Variants in NKAIN3 observed in about 807,000 individuals in gnomAD.
NKAIN3 encodes the protein sodium/potassium-transporting ATPase subunit beta-1-interacting protein 3.
A neutral mutation model predicts 30.2 loss-of-function variants in NKAIN3; 25 were observed. The observed-to-expected ratio is 0.83, with a 90% confidence interval of 0.60 to 1.16. The LOEUF is 1.16. NKAIN3 is among the 50% of genes most tolerant of loss of function. The pLI is 0.00. For missense variants in NKAIN3, 225 were observed against 254.1 expected, an observed-to-expected ratio of 0.89 and a Z score of 0.78; for synonymous variants, 91 against 89.6, an observed-to-expected ratio of 1.02 and a Z score of -0.09.
chr8:62,761,931 T>C (rs757525550), intron 4 of NKAIN3, among the ~76,000 whole-genome samples: 3 of 152,212 alleles, frequency 2.0e-5, no homozygotes, highest in Non-Finnish European at 4.4e-5. Flanking sequence ...TTCCTCTAGA[T>C]ATCTACTCCC....
chr8:62,842,925 A>G (rs1819574686), intron 4 of NKAIN3, among the ~76,000 whole-genome samples: 1 of 152,136 alleles, frequency 6.6e-6, no homozygotes, highest in African/African-American at 2.4e-5. Context: ...AAGCTCCATG[A>G]CATTGGTTTG....
At chr8:62,499,861 CT>C (rs963140618) in intron 1 of NKAIN3, among the ~76,000 whole-genome samples, 43 of 151,032 alleles carry the variant, frequency 2.8e-4, no homozygotes, top group African/African-American at 1.0e-3. Flanking sequence ...TTCTCTCTTT[CT>C]TTTTTTTTCT....
At chr8:62,695,147 T>C (rs1221350915) in intron 3 of NKAIN3, among the ~76,000 whole-genome samples, 1 of 152,216 alleles carries the variant, frequency 6.6e-6, no homozygotes, top group African/African-American at 2.4e-5. Flanking sequence ...ACTTTTTACA[T>C]GCTCAAAATG....
intron 5 of NKAIN3, among the ~76,000 whole-genome samples, chr8:62,939,623 A>G (rs1413070415): frequency 1.3e-5 from 2 of 152,196 alleles, no homozygotes; most frequent in Non-Finnish European, 2.9e-5. Flanking sequence ...CAAAACGATT[A>G]TCAGCCAAGA....
intron 3 of NKAIN3, among the ~76,000 whole-genome samples, chr8:62,681,515 ATTC>A (rs1183190553): frequency 4.6e-5 from 7 of 152,184 alleles, no homozygotes; most frequent in African/African-American, 1.7e-4. Context: ...CAGTAAAACT[ATTC>A]TGGAGTGGTA....
intron 1 of NKAIN3, among the ~76,000 whole-genome samples, chr8:62,316,334 G>A (rs1399252717): frequency 6.6e-6 from 1 of 151,958 alleles, no homozygotes; most frequent in African/African-American, 2.4e-5. Flanking sequence ...CAAGGTGCAG[G>A]TTAGTTACAT....
intron 1 of NKAIN3, among the ~76,000 whole-genome samples, chr8:62,324,211 G>T (rs1009415544): frequency 1.2e-4 from 18 of 152,040 alleles, no homozygotes; most frequent in African/African-American, 4.3e-4. Flanking sequence ...TCCAGGGGAG[G>T]TGAAGGGAGA....
intron 1 of NKAIN3, among the ~76,000 whole-genome samples, chr8:62,372,830 C>T (rs1471332900): frequency 6.6e-6 from 1 of 151,958 alleles, no homozygotes; most frequent in Non-Finnish European, 1.5e-5. Flanking sequence ...TATCTTTTAC[C>T]TTTTGATTTT....
intron 3 of NKAIN3, among the ~76,000 whole-genome samples, chr8:62,688,788 C>G (rs960545515): frequency 6.6e-6 from 1 of 151,738 alleles, no homozygotes; most frequent in African/African-American, 2.4e-5. Flanking sequence ...ATAACGTATT[C>G]TCTCCCCTTA....
intron 4 of NKAIN3, among the ~76,000 whole-genome samples, chr8:62,794,904 C>G (rs1817814301): frequency 6.6e-6 from 1 of 152,130 alleles, no homozygotes; most frequent in Admixed American, 6.5e-5. Flanking sequence ...TTTCCCCCTT[C>G]TAGCTTGTTC....
chr8:62,623,540 A>T (rs1811688781), intron 3 of NKAIN3, among the ~76,000 whole-genome samples: 2 of 152,176 alleles, frequency 1.3e-5, no homozygotes, highest in South Asian at 2.1e-4. Flanking sequence ...TCAATTAAGA[A>T]TAATAAAAAT....
In NKAIN3 at chr8:62,712,557, A is replaced by T. The variant is rs182631833; in HGVS notation, c.274-34375A>T. ...CACAGGCCTCACCCAGCTCCCACAC[A>T]AACCAAAGAGCTGGTCTCACTCCCA... On this transcript the variant is annotated intron_variant, in intron 3 of 6. Coordinates refer to ENST00000623646, the MANE Select transcript of NKAIN3 (RefSeq NM_001304533.3). 2.1e-3 allele frequency among the ~76,000 whole-genome samples: 316 copies of T among 152,212 alleles called. 2 individuals are homozygous for T. Among genetic ancestry groups the T allele is most frequent in the African/African-American group, 6.8e-3 (283 of 41,546 alleles).
intron 2 of NKAIN3, among the ~76,000 whole-genome samples, chr8:62,585,047 G>A (rs1321349746): frequency 1.3e-5 from 2 of 152,192 alleles, no homozygotes; most frequent in Non-Finnish European, 2.9e-5. Flanking sequence ...TTTACAAGAT[G>A]GAATGGACAG....
chr8:62,310,973 C>T (rs967974538), intron 1 of NKAIN3, among the ~76,000 whole-genome samples: 4 of 150,530 alleles, frequency 2.7e-5, no homozygotes, highest in African/African-American at 1.0e-4. Context: ...CCGACTGAGT[C>T]AGGAACAAAT....
Position 62,967,733 on chromosome 8 carries a change from G to GT in NKAIN3, c.*2327dup, listed in dbSNP as rs142259741. On this transcript the variant is annotated 3_prime_UTR_variant, in exon 7 of 7. Coordinates refer to ENST00000623646, the MANE Select transcript of NKAIN3 (RefSeq NM_001304533.3). Reference sequence around the variant, plus strand: ...AAAACATCAAAACTGTAGAGAGTCAGTAAAAAAGGATAAAATGAGTATTGA... The same window carrying GT: ...AAAACATCAAAACTGTAGAGAGTCAGTTAAAAAAGGATAAAATGAGTATTGA... Among the ~76,000 whole-genome samples the GT allele has an allele frequency of 0.018, 2,748 of 152,226 alleles. 83 individuals are homozygous for GT. The highest frequency in any genetic ancestry group is 0.062 in the African/African-American group (2,583 of 41,542).
intron 1 of NKAIN3, among the ~76,000 whole-genome samples, chr8:62,488,208 T>C (rs577878230): frequency 6.6e-6 from 1 of 152,286 alleles, no homozygotes; most frequent in South Asian, 2.1e-4. Context: ...CACCACCTCC[T>C]TCCCTGATTT....
intron 4 of NKAIN3, among the ~76,000 whole-genome samples, chr8:62,757,853 TG>T (rs1816505713): frequency 6.6e-6 from 1 of 152,222 alleles, no homozygotes; most frequent in Non-Finnish European, 1.5e-5. Context: ...GAATGCCAAG[TG>T]AAGGCCTTGG....
chr8:62,723,309 C>T (rs1377130895), intron 3 of NKAIN3, among the ~76,000 whole-genome samples: 2 of 151,956 alleles, frequency 1.3e-5, no homozygotes, highest in Non-Finnish European at 2.9e-5. Context: ...ACAAAAAACA[C>T]ACACACAAAA....
At chr8:62,627,298 C>T (rs536931886) in intron 3 of NKAIN3, among the ~76,000 whole-genome samples, 27 of 152,184 alleles carry the variant, frequency 1.8e-4, no homozygotes, top group African/African-American at 6.5e-4. Flanking sequence ...CAAATGCTAC[C>T]TATTATTTAC....
Sources: allele counts gnomAD v4.1 joint callset (sites outside exome capture counted in the v4.1 genomes callset), GRCh38; gene constraint gnomAD v4.1.1; transcripts MANE v1.5; gene names NCBI Gene and HGNC (gene_info 2026-07-23, HGNC 2026-07-21).